The following MSR1 variants were observed in gnomAD, a reference collection of about 807,000 sequenced individuals.
The protein encoded by MSR1 is macrophage scavenger receptor types I and II.
A neutral mutation model predicts 47.2 loss-of-function variants in MSR1; 53 were observed. That is an observed-to-expected ratio of 1.12 (90% CI 0.90 to 1.41). MSR1 has a LOEUF of 1.41. Ranked by LOEUF, MSR1 falls within the 40% of genes most tolerant of loss-of-function variation. The pLI, the probability that MSR1 is intolerant of heterozygous loss-of-function variation, is 0.00. For synonymous variants in MSR1, 239 were observed against 185.6 expected (o/e 1.29, Z -2.34); for missense variants, 786 against 546.9 (o/e 1.44, Z -4.36).
intron 7 of MSR1, among the ~76,000 whole-genome samples, chr8:16,149,874 G>A (rs1160658583): frequency 6.6e-6 from 1 of 151,490 alleles, no homozygotes; most frequent in Admixed American, 6.6e-5. Flanking sequence ...TTCAAAGACG[G>A]ATATCATTGT....
rs748660309 is a variant in MSR1, at chr8:16,168,657, A to T, written c.431T>A (p.Phe144Tyr). ...AAATCTTTGATCAGTTGTCATGCTG[A>T]AATTTTGGAAATGCTCTGTGTCCAT... is the stretch of plus-strand genomic sequence containing the variant. ...NLMDTEHFQN[F>Y]SMTTDQRFND... The change falls in exon 4 of 10, where the codon TTC becomes TAC. Residue 144 changes from phenylalanine (F) to tyrosine (Y), a missense_variant. By Grantham distance (22) the Phe-to-Tyr change is conservative (BLOSUM62 3). Coordinates refer to ENST00000262101, the MANE Select transcript of MSR1 (RefSeq NM_138715.3). 2 of 1,614,108 alleles carry T rather than the reference A, an allele frequency of 1.2e-6. 1 individual carries two copies. Among genetic ancestry groups the T allele is most frequent in the South Asian group, 2.2e-5 (2 of 91,084 alleles).
chr8:16,148,266 G>T (rs147688676), intron 7 of MSR1, among the ~76,000 whole-genome samples: 22 of 151,972 alleles, frequency 1.4e-4, no homozygotes, highest in African/African-American at 5.3e-4. Context: ...CTTAAGAAAA[G>T]CAGCTGTGCT....
intron 9 of MSR1, among the ~76,000 whole-genome samples, chr8:16,114,861 C>T (rs1299923393): frequency 1.3e-5 from 2 of 152,052 alleles, no homozygotes; most frequent in South Asian, 2.1e-4. Context: ...TATAATGGTG[C>T]ATTATAAAAA....
chr8:16,144,077 T>G (rs1010805987), intron 7 of MSR1, among the ~76,000 whole-genome samples: 1 of 152,088 alleles, frequency 6.6e-6, no homozygotes, highest in Non-Finnish European at 1.5e-5. Context: ...TTGAGATTCT[T>G]ACTCATGGGG....
intron 1 of MSR1, among the ~76,000 whole-genome samples, chr8:16,180,640 G>C (rs1801801928): frequency 6.6e-6 from 1 of 152,098 alleles, no homozygotes; most frequent in Non-Finnish European, 1.5e-5. Flanking sequence ...GGCATCTTTA[G>C]GACAGCAAAG....
At chr8:16,148,420 G>C (rs1368528463) in intron 7 of MSR1, among the ~76,000 whole-genome samples, 1 of 152,078 alleles carries the variant, frequency 6.6e-6, no homozygotes, top group Non-Finnish European at 1.5e-5. Flanking sequence ...CCACAGAAAA[G>C]CCAGCACATT....
At chr8:16,154,868 T>C (rs1800956738) in intron 6 of MSR1, among the ~76,000 whole-genome samples, 196 bp downstream of exon 6, 1 of 152,028 alleles carries the variant, frequency 6.6e-6, no homozygotes, top group South Asian at 2.1e-4. Flanking sequence ...GTGTATTATG[T>C]GATTAGGCTA....
At chr8:16,163,056 T>G (rs1265982612) in intron 5 of MSR1, among the ~76,000 whole-genome samples, 1 of 152,046 alleles carries the variant, frequency 6.6e-6, no homozygotes, top group East Asian at 1.9e-4. Flanking sequence ...GTTAAGATAC[T>G]GATCAACTTT....
intron 2 of MSR1, among the ~76,000 whole-genome samples, chr8:16,176,036 TTTCTC>T (rs1801636275): frequency 6.6e-6 from 1 of 152,202 alleles, no homozygotes; most frequent in South Asian, 2.1e-4. Context: ...GAGGAAGTCA[TTTCTC>T]TGATTAGTTG....
intron 8 of MSR1, among the ~76,000 whole-genome samples, chr8:16,141,539 G>C (rs1800556967): frequency 6.6e-6 from 1 of 152,114 alleles, no homozygotes; most frequent in African/African-American, 2.4e-5. Flanking sequence ...GCGAAAAGCA[G>C]AATATACCAC....
At chr8:16,134,838 G>A (rs910710483) in intron 8 of MSR1, among the ~76,000 whole-genome samples, 3 of 152,112 alleles carry the variant, frequency 2.0e-5, no homozygotes, top group Admixed American at 2.0e-4. Flanking sequence ...CCTTATTGCC[G>A]ATATAAAGTT....
chr8:16,118,813 C>G (rs1344706385), intron 9 of MSR1, among the ~76,000 whole-genome samples: 3 of 151,844 alleles, frequency 2.0e-5, no homozygotes, highest in Admixed American at 2.0e-4. Flanking sequence ...TTTCTTTTTC[C>G]TCTTCTCCAG....
chr8:16,178,021 A>G (rs868005018), intron 1 of MSR1, 29 bp from the exon 2 acceptor site: 2 of 1,538,596 alleles, frequency 1.3e-6, no homozygotes, highest in African/African-American at 2.7e-5. Flanking sequence ...AAATATATTA[A>G]TTCCACATGA....
At chr8:16,180,116 C>T (rs1048561155) in intron 1 of MSR1, among the ~76,000 whole-genome samples, 1 of 151,520 alleles carries the variant, frequency 6.6e-6, no homozygotes, top group Non-Finnish European at 1.5e-5. Context: ...GTCTCTCTCT[C>T]TCTCCCCTTC....
chr8:16,153,202 T>C (rs1044600506), intron 6 of MSR1, among the ~76,000 whole-genome samples: 1 of 151,988 alleles, frequency 6.6e-6, no homozygotes, highest in Non-Finnish European at 1.5e-5. Flanking sequence ...ATAAACCTGC[T>C]CAGATTAGAA....
intron 1 of MSR1, among the ~76,000 whole-genome samples, chr8:16,182,364 G>C (rs1306913825): frequency 6.6e-6 from 1 of 152,064 alleles, no homozygotes; most frequent in Non-Finnish European, 1.5e-5. Flanking sequence ...GCACACTTAA[G>C]CTACACTGAA....
At chr8:16,123,593 T>A (rs1368695918) in intron 8 of MSR1, among the ~76,000 whole-genome samples, 1 of 150,502 alleles carries the variant, frequency 6.6e-6, no homozygotes, top group African/African-American at 2.4e-5. Flanking sequence ...TATGTGTGTG[T>A]GTGTGTGTGT....
At chr8:16,171,228 C>CAAA (rs34662759) in intron 3 of MSR1, among the ~76,000 whole-genome samples, 105 of 75,290 alleles carry the variant, frequency 1.4e-3, no homozygotes, top group Middle Eastern at 7.4e-3. Context: ...GACTCAGTCT[C>CAAA]AAAAAAAAAA....
At chr8:16,143,978 G>A (rs561049297) in intron 7 of MSR1, among the ~76,000 whole-genome samples, 151 of 152,010 alleles carry the variant, frequency 9.9e-4, no homozygotes, top group African/African-American at 3.4e-3. Flanking sequence ...CCCACATCCC[G>A]TTCTTATATT....
Sources: gnomAD v4.1 joint callset for allele counts (sites outside exome capture counted in the v4.1 genomes callset) on GRCh38, gnomAD v4.1.1 for gene constraint, MANE v1.5 for transcripts, NCBI Gene and HGNC (gene_info 2026-07-23, HGNC 2026-07-21) for gene names.